SDK1: variants seen among roughly 807,000 people sequenced by gnomAD.
SDK1 encodes protein sidekick-1.
SDK1 carries 157 observed loss-of-function variants against 245.5 expected under a neutral mutation model. The observed-to-expected ratio is 0.64, with a 90% CI of 0.56 to 0.73. The LOEUF (loss-of-function observed/expected upper bound fraction) is 0.73. Among genes scored for constraint, SDK1 ranks in the 30% least tolerant of loss-of-function variants. The probability of loss-of-function intolerance (pLI) is 0.00; values close to 1 mark genes in which losing one functional copy is unlikely to be tolerated. For missense variants in SDK1, 3,583 were observed against 3,002.3 expected (o/e 1.19, Z -4.52); for synonymous variants, 1,647 against 1,278.5 (o/e 1.29, Z -6.15).
At chr7:3,322,163 A>G (rs1779832592) in intron 1 of SDK1, among the ~76,000 whole-genome samples, 1 of 152,094 alleles carries the variant, frequency 6.6e-6, no homozygotes. Context: ...TCCCATACGT[A>G]TTAAGCAGCC....
chr7:3,320,720 T>C (rs566587306), intron 1 of SDK1, among the ~76,000 whole-genome samples: 2 of 152,190 alleles, frequency 1.3e-5, no homozygotes, highest in Admixed American at 1.3e-4. Context: ...TTTGTTCAAC[T>C]AGTTATCTTT....
intron 19 of SDK1, among the ~76,000 whole-genome samples, chr7:4,060,981 G>T (rs895433912): frequency 6.6e-6 from 1 of 152,106 alleles, no homozygotes; most frequent in East Asian, 1.9e-4. Context: ...AGAGGGCTCT[G>T]TTCTGTTCCG....
chr7:3,474,131 GTC>G (rs1264465087), intron 1 of SDK1, among the ~76,000 whole-genome samples: 1 of 103,380 alleles, frequency 9.7e-6, no homozygotes, highest in Non-Finnish European at 1.7e-5. Context: ...TTGAGACCGT[GTC>G]TCTCTGTTGC....
chr7:4,251,095 G>C (rs573646516), intron 44 of SDK1, among the ~76,000 whole-genome samples: 1 of 152,138 alleles, frequency 6.6e-6, no homozygotes. Context: ...CAGGGTCACT[G>C]ATATATGTTG....
At chr7:3,937,435 G>T (rs1380616808) in intron 5 of SDK1, among the ~76,000 whole-genome samples, 2 of 152,334 alleles carry the variant, frequency 1.3e-5, no homozygotes, top group East Asian at 3.9e-4. Context: ...CACCCAGCCT[G>T]CAGAGGCGGG....
At chr7:3,406,515 C>G (rs577020003) in intron 1 of SDK1, among the ~76,000 whole-genome samples, 1 of 152,210 alleles carries the variant, frequency 6.6e-6, no homozygotes, top group South Asian at 2.1e-4. Context: ...TTCTCTCTCT[C>G]TCCAACTGTG....
intron 1 of SDK1, among the ~76,000 whole-genome samples, chr7:3,403,534 T>C (rs1239658011): frequency 6.6e-6 from 1 of 152,034 alleles, no homozygotes. Flanking sequence ...AGCAGCTTAA[T>C]GACTTTGGTA....
intron 4 of SDK1, among the ~76,000 whole-genome samples, chr7:3,760,124 C>T (rs777554269): frequency 1.3e-5 from 2 of 152,030 alleles, no homozygotes; most frequent in Admixed American, 6.5e-5. Context: ...GAAAATTCCT[C>T]CATAAATAAA....
intron 4 of SDK1, among the ~76,000 whole-genome samples, chr7:3,801,461 G>A (rs1243920641): frequency 6.6e-6 from 1 of 152,130 alleles, no homozygotes; most frequent in Non-Finnish European, 1.5e-5. Flanking sequence ...TGCATTCTGA[G>A]TTCTTACGGC....
chr7:3,772,434 C>T (rs961989524), intron 4 of SDK1, among the ~76,000 whole-genome samples: 2 of 152,010 alleles, frequency 1.3e-5, no homozygotes. Context: ...ATCACATACA[C>T]GATACTTCCA....
chr7:4,160,991 G>A (rs1232302287), intron 31 of SDK1, among the ~76,000 whole-genome samples: 1 of 152,216 alleles, frequency 6.6e-6, no homozygotes, highest in Non-Finnish European at 1.5e-5. Context: ...TCGTCATTCC[G>A]TTCAGTGAAT....
chr7:3,578,696 G>A (rs1007550244), intron 1 of SDK1, among the ~76,000 whole-genome samples: 3 of 151,774 alleles, frequency 2.0e-5, no homozygotes, highest in African/African-American at 7.2e-5. Flanking sequence ...CACCTCTCCT[G>A]CTTGCACATC....
At chr7:3,808,067 A>C (rs1409395520) in intron 4 of SDK1, among the ~76,000 whole-genome samples, 1 of 152,170 alleles carries the variant, frequency 6.6e-6, no homozygotes, top group Non-Finnish European at 1.5e-5. Context: ...ACTCCCATGC[A>C]GTCATCTCTG....
At chr7:4,068,463 C>T (rs1009770133) in intron 20 of SDK1, among the ~76,000 whole-genome samples, 1 of 152,064 alleles carries the variant, frequency 6.6e-6, no homozygotes, top group East Asian at 1.9e-4. Context: ...TCTCAGCCCT[C>T]GTCCCACAGC....
intron 4 of SDK1, among the ~76,000 whole-genome samples, chr7:3,749,677 C>T (rs932928874): frequency 1.3e-5 from 2 of 152,178 alleles, no homozygotes; most frequent in African/African-American, 4.8e-5. Flanking sequence ...TGCCCTTCAG[C>T]CTCTTGCCCC....
intron 42 of SDK1, among the ~76,000 whole-genome samples, chr7:4,239,884 C>T (rs1312590245): frequency 3.3e-5 from 5 of 152,148 alleles, no homozygotes; most frequent in African/African-American, 7.2e-5. Context: ...CATTAGCCCC[C>T]TGAGCCAAGG....
chr7:4,248,205 C>T (rs1053142373), intron 44 of SDK1, among the ~76,000 whole-genome samples: 1 of 152,052 alleles, frequency 6.6e-6, no homozygotes, highest in African/African-American at 2.4e-5. Context: ...GACACATACA[C>T]ACCTGAATAC....
In SDK1 at chr7:3,407,002, T is replaced by C. The variant is rs192509478; in HGVS notation, c.298+105118T>C. On this transcript the variant is annotated intron_variant, in intron 1 of 44. Coordinates refer to ENST00000404826, the MANE Select transcript of SDK1 (RefSeq NM_152744.4). ...ACTAGAGTGGATGAGGCACAGAGAATTGGTTGCCAATGGGATCAAGAATGC... is the reference window on the plus strand; with the variant it reads ...ACTAGAGTGGATGAGGCACAGAGAACTGGTTGCCAATGGGATCAAGAATGC... 4.2e-3 allele frequency among the ~76,000 whole-genome samples: 632 copies of C among 152,222 alleles called. 8 individuals are homozygous for C. The highest frequency in any genetic ancestry group is 0.018 in the South Asian group (88 of 4,828).
rs1158055319 is a variant in SDK1 at position 4,051,653 on chromosome 7, G to A, written c.2734G>A (p.Ala912Thr). Reference protein sequence around the residue: ...NQGYKLLAWPADAPEAVTVVT... With the variant: ...NQGYKLLAWPTDAPEAVTVVT... ...TCCATCTCAGCTTCTGGCATGGCCG[G>A]CAGATGCCCCCGAGGCTGTCACTGT... Residue 912 changes from alanine (A) to threonine (T), a missense_variant, in exon 19 of 45, where the codon GCA (alanine) becomes ACA (threonine). Ala to Thr is a moderately conservative substitution (Grantham distance 58). Transcript: ENST00000404826. 2 of 1,610,804 alleles carry A rather than the reference G, an allele frequency of 1.2e-6. No homozygotes were observed. The highest frequency in any genetic ancestry group is 2.2e-5 in the East Asian group (1 of 44,600).
Sources: gnomAD v4.1 joint callset for allele counts (sites outside exome capture counted in the v4.1 genomes callset) on GRCh38, gnomAD v4.1.1 for gene constraint, MANE v1.5 for transcripts, NCBI Gene and HGNC (gene_info 2026-07-23, HGNC 2026-07-21) for gene names.